OPCML: variants seen among roughly 807,000 people sequenced by gnomAD.
The protein encoded by OPCML is opioid binding protein/cell adhesion molecule like.
In OPCML, 13 loss-of-function variants were observed where a neutral mutation model predicts 37.8. The observed-to-expected ratio is 0.34, with a 90% CI of 0.22 to 0.55. The LOEUF is 0.55. Among genes scored for constraint, OPCML ranks in the 20% least tolerant of loss-of-function variants. OPCML has a pLI of 0.91. For synonymous variants in OPCML, 176 were observed against 168.8 expected, an observed-to-expected ratio of 1.04 and a Z score of -0.33; for missense variants, 341 against 435.6, an observed-to-expected ratio of 0.78 and a Z score of 1.93.
chr11:133,128,130 A>G (rs541706838), intron 1 of OPCML, among the ~76,000 whole-genome samples: 1 of 152,156 alleles, frequency 6.6e-6, no homozygotes, highest in South Asian at 2.1e-4. Flanking sequence ...TTCCTCACCC[A>G]TTGGTCTCCA....
intron 1 of OPCML, among the ~76,000 whole-genome samples, chr11:133,251,998 C>T (rs950402219): frequency 6.6e-5 from 10 of 152,156 alleles, no homozygotes; most frequent in Non-Finnish European, 1.2e-4. Context: ...GGGCCTCCCC[C>T]CAGAGTCGAC....
rs182044655 is a variant in OPCML, at chr11:133,090,496, G to A, written c.62-147486C>T. On this transcript the variant is annotated intron_variant, in intron 1 of 7. Transcript: ENST00000524381. The stretch of plus-strand genomic sequence containing the variant: ...ATTGGTAGAAATATAGATGGCAAAG[G>A]CCATTCTGATGAGGTCTTAGGTGGA... Among the ~76,000 whole-genome samples the A allele has an allele frequency of 5.3e-3, 808 of 152,262 alleles. 12 individuals carry two copies. Among genetic ancestry groups the A allele is most frequent in the African/African-American group, 9.1e-3 (380 of 41,556 alleles).
At chr11:133,022,319 T>A (rs1191354500) in intron 1 of OPCML, among the ~76,000 whole-genome samples, 1 of 152,190 alleles carries the variant, frequency 6.6e-6, no homozygotes, top group African/African-American at 2.4e-5. Flanking sequence ...TTCCCACTCA[T>A]GCCTTTCTTC....
chr11:132,784,700 G>C (rs2853048), intron 2 of OPCML, among the ~76,000 whole-genome samples: 139,841 of 152,162 alleles, frequency 0.92, 65,005 homozygotes, highest in African/African-American at 0.98. Flanking sequence ...TTGCTGTCCT[G>C]ATGATAATCA....
At chr11:133,398,979 A>C (rs1204361495) in intron 1 of OPCML, among the ~76,000 whole-genome samples, 1 of 152,248 alleles carries the variant, frequency 6.6e-6, no homozygotes, top group Non-Finnish European at 1.5e-5. Flanking sequence ...AAAACATGCC[A>C]GATCCCTGGG....
chr11:133,087,753 C>T (rs930386753), intron 1 of OPCML, among the ~76,000 whole-genome samples: 1 of 152,158 alleles, frequency 6.6e-6, no homozygotes, highest in Non-Finnish European at 1.5e-5. Flanking sequence ...TGACTAGAAC[C>T]CTGTAGAGGT....
rs188873057 is a variant in OPCML at position 133,528,401 on chromosome 11, A to G, written c.61+3863T>C. Among the ~76,000 whole-genome samples the G allele has an allele frequency of 2.2e-3, 337 of 152,286 alleles. 1 individual carries two copies. The highest frequency in any genetic ancestry group is 3.7e-3 in the Non-Finnish European group (250 of 68,016). ...GACCAGATGCTCTGTCCTTGTTCCTATCTCTTTCTTAGTGAGTCTGGCGCG... is the reference window on the plus strand; with the variant it reads ...GACCAGATGCTCTGTCCTTGTTCCTGTCTCTTTCTTAGTGAGTCTGGCGCG... On this transcript the variant is annotated intron_variant, in intron 1 of 7. Coordinates refer to ENST00000524381, the MANE Select transcript of OPCML (RefSeq NM_001012393.5).
At chr11:133,123,177 A>T (rs746199603) in intron 1 of OPCML, among the ~76,000 whole-genome samples, 3 of 152,162 alleles carry the variant, frequency 2.0e-5, no homozygotes, top group Non-Finnish European at 2.9e-5. Context: ...TGCAGTAAGA[A>T]ATTCCCTCAA....
At chr11:132,583,167 C>T (rs1431310212) in intron 3 of OPCML, among the ~76,000 whole-genome samples, 2 of 152,022 alleles carry the variant, frequency 1.3e-5, no homozygotes, top group Non-Finnish European at 2.9e-5. Context: ...ATCCTCCCAC[C>T]TCTCCCACCT....
intron 1 of OPCML, among the ~76,000 whole-genome samples, chr11:133,477,315 A>G (rs1026112183): frequency 2.0e-5 from 3 of 152,202 alleles, no homozygotes; most frequent in Admixed American, 1.3e-4. Flanking sequence ...TTGTCTCTGC[A>G]GAATGGGTGG....
At chr11:132,907,465 T>C (rs1049050954) in intron 2 of OPCML, among the ~76,000 whole-genome samples, 1 of 152,038 alleles carries the variant, frequency 6.6e-6, no homozygotes, top group African/African-American at 2.4e-5. Flanking sequence ...ACCCCATCTC[T>C]ACTAAAAATA....
intron 1 of OPCML, among the ~76,000 whole-genome samples, chr11:133,450,974 C>G (rs1024518211): frequency 6.6e-6 from 1 of 151,732 alleles, no homozygotes; most frequent in Non-Finnish European, 1.5e-5. Context: ...ATGCATTAAA[C>G]ATACCATATA....
At chr11:133,437,685 C>A (rs1035321204) in intron 1 of OPCML, among the ~76,000 whole-genome samples, 1,765 of 118,790 alleles carry the variant, frequency 0.015, 74 homozygotes, top group Non-Finnish European at 0.022. Context: ...CTCACCTCTC[C>A]CCTCTCAACC....
At chr11:132,970,916 C>T (rs1040185075) in intron 1 of OPCML, among the ~76,000 whole-genome samples, 1 of 152,160 alleles carries the variant, frequency 6.6e-6, no homozygotes, top group African/African-American at 2.4e-5. Flanking sequence ...ACCTTATGTT[C>T]TCTATTCTAT....
chr11:133,029,407 G>A (rs933722222), intron 1 of OPCML, among the ~76,000 whole-genome samples: 2 of 152,142 alleles, frequency 1.3e-5, no homozygotes. Flanking sequence ...CAACCAAAAA[G>A]ATACACACAC....
intron 1 of OPCML, among the ~76,000 whole-genome samples, chr11:133,466,498 G>A (rs1197965831): frequency 6.6e-6 from 1 of 152,160 alleles, no homozygotes; most frequent in East Asian, 1.9e-4. Context: ...GGTTCAGGAG[G>A]CCAGGAAACC....
chr11:132,638,246 C>T (rs1940646211), intron 3 of OPCML, among the ~76,000 whole-genome samples: 1 of 147,336 alleles, frequency 6.8e-6, no homozygotes, highest in Admixed American at 6.8e-5. Context: ...ACATATCCAG[C>T]TTGATGTAAT....
chr11:132,549,679 C>T (rs139711543), intron 3 of OPCML, among the ~76,000 whole-genome samples: 198 of 152,318 alleles, frequency 1.3e-3, no homozygotes, highest in African/African-American at 4.6e-3. Flanking sequence ...CGCGTGAATG[C>T]GGCCCTTCTC....
intron 1 of OPCML, among the ~76,000 whole-genome samples, chr11:133,276,533 G>A (rs540677755): frequency 3.8e-4 from 58 of 152,248 alleles, no homozygotes; most frequent in South Asian, 1.0e-3. Context: ...ATAAAATGTC[G>A]GTGCTCCATA....
Sources: allele counts gnomAD v4.1 joint callset (sites outside exome capture counted in the v4.1 genomes callset), GRCh38; gene constraint gnomAD v4.1.1; transcripts MANE v1.5; gene names NCBI Gene and HGNC (gene_info 2026-07-23, HGNC 2026-07-21).